ACAP2: variants seen among roughly 807,000 people sequenced by gnomAD.
ACAP2 encodes the protein ArfGAP with coiled-coil, ankyrin repeat and PH domains 2, also known as arf-GAP with coiled-coil, ANK repeat and PH domain-containing protein 2.
In ACAP2, 39 loss-of-function variants were observed where a neutral mutation model predicts 115.8. The observed-to-expected ratio is 0.34, with a 90% confidence interval of 0.26 to 0.44. ACAP2 has a LOEUF of 0.44. Ranked by LOEUF, ACAP2 falls within the 20% of genes least tolerant of loss-of-function variation. The probability of loss-of-function intolerance (pLI) is 1.00; values close to 1 mark genes in which losing one functional copy is unlikely to be tolerated. For missense variants in ACAP2, 662 were observed against 927.6 expected (o/e 0.71, Z 3.72); for synonymous variants, 289 against 315.8 (o/e 0.92, Z 0.90).
chr3:195,360,996 A>C (rs1005768088), intron 4 of ACAP2, among the ~76,000 whole-genome samples: 5 of 151,782 alleles, frequency 3.3e-5, no homozygotes, highest in Non-Finnish European at 7.4e-5. Context: ...AAAAAAAAAA[A>C]AAAAAAAACC....
chr3:195,434,810 T>G (rs1715409274), intron 1 of ACAP2, among the ~76,000 whole-genome samples: 1 of 152,204 alleles, frequency 6.6e-6, no homozygotes, highest in Non-Finnish European at 1.5e-5. Flanking sequence ...TCTTCTTGAG[T>G]CGGTTTCAGT....
At chr3:195,342,827 C>T in intron 5 of ACAP2, 173 bp from the exon 6 acceptor site, 1 of 450,028 alleles carries the variant, frequency 2.2e-6, no homozygotes, top group Non-Finnish European at 3.9e-6. Flanking sequence ...AACCCCATCT[C>T]TACTAAAAAT....
intron 1 of ACAP2, among the ~76,000 whole-genome samples, chr3:195,429,326 C>T (rs1714928019): frequency 6.8e-6 from 1 of 146,640 alleles, no homozygotes; most frequent in Admixed American, 7.0e-5. Flanking sequence ...AGGCAGTGAG[C>T]TGAGATCGCA....
At chr3:195,293,753 C>T (rs1727421419) in intron 18 of ACAP2, among the ~76,000 whole-genome samples, 2 of 151,776 alleles carry the variant, frequency 1.3e-5, no homozygotes, top group African/African-American at 4.8e-5. Context: ...AGTAGGAGAA[C>T]TGCGTGAACA....
intron 22 of ACAP2, chr3:195,279,901 G>A (rs1342674324): frequency 1.3e-5 from 2 of 152,198 alleles, no homozygotes; most frequent in South Asian, 4.1e-4. Flanking sequence ...ATCAGATAGG[G>A]AAAAATAATA....
chr3:195,414,105 G>T (rs1008426038), intron 1 of ACAP2, among the ~76,000 whole-genome samples: 4 of 152,060 alleles, frequency 2.6e-5, no homozygotes, highest in African/African-American at 9.7e-5. Context: ...GATTAAACAA[G>T]GAGAAACCAC....
rs141544377 is a variant in ACAP2, at chr3:195,289,291, C to T, written c.2064-60G>A. ...GATAAGAAAAAAAAATTAGTATTCA[C>T]CTTAAAAAAAAAAAGTACTACTTAA... On this transcript the variant is annotated intron_variant, in intron 20 of 22. Transcript: ENST00000326793. The T allele has an allele frequency of 1.2e-5, 14 of 1,172,572 alleles. No homozygotes were observed. In the Middle Eastern group the frequency reaches 7.7e-4, roughly 65 times the overall value. The allele number at this position is 1,172,572 out of a possible 1,614,324, so 72.6% of individuals were successfully genotyped here. A position where few individuals can be genotyped will look rare whatever the true frequency, so the allele number is the denominator to read the frequency against.
At chr3:195,420,637 C>A (rs1714113514) in intron 1 of ACAP2, among the ~76,000 whole-genome samples, 1 of 151,536 alleles carries the variant, frequency 6.6e-6, no homozygotes, top group Admixed American at 6.6e-5. Context: ...GCCACTGCGC[C>A]CGGCCTGCAA....
chr3:195,364,293 C>T (rs893090170), intron 4 of ACAP2, among the ~76,000 whole-genome samples: 2 of 152,054 alleles, frequency 1.3e-5, no homozygotes, highest in South Asian at 2.1e-4. Context: ...TCTGAATAGA[C>T]GTTTCTCAAA....
At chr3:195,336,220 C>T (rs1560257257) in intron 7 of ACAP2, 2 of 146,774 alleles carry the variant, frequency 1.4e-5, no homozygotes, top group Admixed American at 6.9e-5. Context: ...AGCTTTAAGA[C>T]CAAAAATAGG....
chr3:195,283,868 A>G (rs1355608765), intron 22 of ACAP2, among the ~76,000 whole-genome samples: 1 of 152,176 alleles, frequency 6.6e-6, no homozygotes, highest in Non-Finnish European at 1.5e-5. Flanking sequence ...ATGGTAAGAG[A>G]GCTTGTTTTA....
At chr3:195,365,554 G>A (rs1361300220) in intron 4 of ACAP2, among the ~76,000 whole-genome samples, 1 of 151,652 alleles carries the variant, frequency 6.6e-6, no homozygotes, top group Non-Finnish European at 1.5e-5. Context: ...GTGACAAAGG[G>A]AGACCTTGTC....
intron 1 of ACAP2, among the ~76,000 whole-genome samples, chr3:195,398,809 A>T (rs1712024795): frequency 6.6e-6 from 1 of 152,174 alleles, no homozygotes; most frequent in African/African-American, 2.4e-5. Flanking sequence ...AAGCAAACCT[A>T]GCTAGATCCA....
chr3:195,393,882 A>AC (rs1711530312), intron 1 of ACAP2, among the ~76,000 whole-genome samples: 2 of 87,224 alleles, frequency 2.3e-5, no homozygotes, highest in Admixed American at 3.1e-4. Context: ...AGAGTATTAT[A>AC]TTGGGGGGGG....
At chr3:195,343,052 T>C (rs1730980028) in intron 5 of ACAP2, among the ~76,000 whole-genome samples, 2 of 152,156 alleles carry the variant, frequency 1.3e-5, no homozygotes, top group African/African-American at 4.8e-5. Flanking sequence ...TGTTCCTCCA[T>C]TTTTTGTTTC....
At chr3:195,325,157 A>G (rs1337191542) in intron 9 of ACAP2, among the ~76,000 whole-genome samples, 2 of 152,210 alleles carry the variant, frequency 1.3e-5, no homozygotes, top group African/African-American at 4.8e-5. Flanking sequence ...ATATAGTGCT[A>G]TCTGCTAAGA....
intron 4 of ACAP2, among the ~76,000 whole-genome samples, chr3:195,373,158 G>A (rs1330274039): frequency 6.6e-6 from 1 of 152,008 alleles, no homozygotes; most frequent in Non-Finnish European, 1.5e-5. Context: ...GGAGCCAGGT[G>A]CAGTGGCTCA....
intron 21 of ACAP2, among the ~76,000 whole-genome samples, chr3:195,286,352 T>C (rs111705943): frequency 4.3e-4 from 65 of 152,244 alleles, no homozygotes; most frequent in African/African-American, 1.5e-3. Context: ...TAAATGACTA[T>C]AGGTTACCAA....
At chr3:195,410,953 G>C (rs532645271) in intron 1 of ACAP2, 86 of 364,404 alleles carry the variant, frequency 2.4e-4, no homozygotes, top group African/African-American at 1.7e-3. Context: ...GAGATAGCTG[G>C]CCCTCACCAG....
Sources: gnomAD v4.1 joint callset for allele counts (sites outside exome capture counted in the v4.1 genomes callset) on GRCh38, gnomAD v4.1.1 for gene constraint, MANE v1.5 for transcripts, NCBI Gene and HGNC (gene_info 2026-07-23, HGNC 2026-07-21) for gene names.